Variants in ACACA observed in about 807,000 individuals in gnomAD.
The protein encoded by ACACA is acetyl-CoA carboxylase 1.
ACACA carries 103 observed loss-of-function variants against 296.1 expected under a neutral mutation model. That is an observed-to-expected ratio of 0.35 (90% CI 0.30 to 0.41). ACACA has a LOEUF of 0.41. Among genes scored for constraint, ACACA ranks in the 10% least tolerant of loss-of-function variants. ACACA has a pLI of 1.00. For synonymous variants in ACACA, 953 were observed against 1,038.6 expected (o/e 0.92, Z 1.58); for missense variants, 1,554 against 2,989.7 (o/e 0.52, Z 11.20).
At chr17:37,305,532 T>C (rs141722861) in intron 3 of ACACA, among the ~76,000 whole-genome samples, 11 of 152,324 alleles carry the variant, frequency 7.2e-5, no homozygotes, top group African/African-American at 2.6e-4. Flanking sequence ...GCATTCAAAG[T>C]TCAGGTTTTT....
intron 17 of ACACA, among the ~76,000 whole-genome samples, 159 bp from the exon 18 acceptor site, chr17:37,248,315 C>A (rs915162350): frequency 6.6e-6 from 1 of 152,192 alleles, no homozygotes; most frequent in African/African-American, 2.4e-5. Context: ...ATGGCTCAGT[C>A]CTGCTGTAAG....
At chr17:37,130,332 T>A in intron 45 of ACACA, 114 bp from the exon 46 acceptor site, 2 of 1,338,794 alleles carry the variant, frequency 1.5e-6, no homozygotes, top group Non-Finnish European at 2.1e-6. Flanking sequence ...GATTTCAGTC[T>A]CCATGGGTTG....
intron 44 of ACACA, among the ~76,000 whole-genome samples, chr17:37,150,824 C>T (rs1482025668): frequency 2.0e-5 from 3 of 151,552 alleles, no homozygotes; most frequent in Non-Finnish European, 2.9e-5. Context: ...GAGGCTGAGG[C>T]GGGTGGATCA....
chr17:37,314,584 G>A (rs1267882048), intron 3 of ACACA, among the ~76,000 whole-genome samples: 1 of 150,352 alleles, frequency 6.7e-6, no homozygotes, highest in African/African-American at 2.5e-5. Context: ...TGGGCTCCAC[G>A]ACCAGAGGCT....
At chr17:37,240,628 A>T (rs2080349026) in intron 23 of ACACA, 64 bp from the exon 24 acceptor site, 4 of 1,398,748 alleles carry the variant, frequency 2.9e-6, no homozygotes, top group Non-Finnish European at 4.0e-6. Flanking sequence ...CAATAAACCC[A>T]AAGGCCAAAT....
At chr17:37,215,475 T>A (rs1415892573) in intron 29 of ACACA, among the ~76,000 whole-genome samples, 1 of 152,234 alleles carries the variant, frequency 6.6e-6, no homozygotes, top group Admixed American at 6.5e-5. Flanking sequence ...CAGACTGTCA[T>A]ATTATATTAT....
intron 43 of ACACA, among the ~76,000 whole-genome samples, chr17:37,153,654 G>A (rs1254110688): frequency 1.3e-5 from 2 of 152,114 alleles, no homozygotes; most frequent in Admixed American, 1.3e-4. Context: ...TTCGATTTAT[G>A]TATATAATTT....
intron 24 of ACACA, among the ~76,000 whole-genome samples, chr17:37,237,314 T>C (rs2080158733): frequency 6.6e-6 from 1 of 152,240 alleles, no homozygotes; most frequent in African/African-American, 2.4e-5. Flanking sequence ...TGAACAGTGC[T>C]GTCACAAATA....
At chr17:37,106,241 C>G (rs2073679418) in intron 52 of ACACA, among the ~76,000 whole-genome samples, 1 of 152,086 alleles carries the variant, frequency 6.6e-6, no homozygotes, top group Non-Finnish European at 1.5e-5. Context: ...CTGCGTAAAT[C>G]AGATCCTGTT....
intron 45 of ACACA, among the ~76,000 whole-genome samples, chr17:37,133,996 T>G (rs776210685): frequency 8.5e-5 from 13 of 152,166 alleles, no homozygotes; most frequent in South Asian, 8.3e-4. Flanking sequence ...AACTTAAGCC[T>G]CATCCAGTAC....
In ACACA at chr17:37,193,430, G is replaced by A; in HGVS notation, c.4159-15C>T. 1 of 1,588,898 alleles carries A rather than the reference G, an allele frequency of 6.3e-7. No individual in the cohort carries two copies. The highest frequency in any genetic ancestry group is 8.6e-7 in the Non-Finnish European group (1 of 1,157,494). On this transcript the variant is annotated splice_polypyrimidine_tract_variant and intron_variant, in intron 35 of 55. Transcript: ENST00000616317. ...GGGAATTCTCTCTGTATTAAAGAAG[G>A]GGGAAAAATGTGTCAGTAGTTCATA...
At chr17:37,373,769 T>C (rs1014481903) in intron 1 of ACACA, among the ~76,000 whole-genome samples, 5 of 152,264 alleles carry the variant, frequency 3.3e-5, no homozygotes, top group East Asian at 1.9e-4. Flanking sequence ...TAGGAACTAA[T>C]GTACAGAGAG....
At chr17:37,293,605 T>C (rs1229795143) in intron 3 of ACACA, among the ~76,000 whole-genome samples, 1 of 149,128 alleles carries the variant, frequency 6.7e-6, no homozygotes, top group Non-Finnish European at 1.5e-5. Flanking sequence ...TGTAGTGGTG[T>C]AATCTCAACT....
chr17:37,202,706 TATATATACAC>T (rs1401018097), intron 33 of ACACA, among the ~76,000 whole-genome samples: 2,694 of 21,988 alleles, frequency 0.12, 60 homozygotes, highest in South Asian at 0.33. Flanking sequence ...TATATATATA[TATATATACAC>T]ACACACATAT....
intron 36 of ACACA, among the ~76,000 whole-genome samples, 168 bp downstream of exon 36, chr17:37,193,206 C>G (rs142268985): frequency 6.9e-4 from 105 of 152,180 alleles, no homozygotes; most frequent in Admixed American, 6.5e-3. Flanking sequence ...CAAACCCTTT[C>G]AGAAAGGAAT....
At chr17:37,367,311 T>TA (rs967765807) in intron 1 of ACACA, among the ~76,000 whole-genome samples, 1 of 151,732 alleles carries the variant, frequency 6.6e-6, no homozygotes, top group Non-Finnish European at 1.5e-5. Context: ...AAGATGGTCA[T>TA]AATCAGTTGA....
At chr17:37,379,802 T>C (rs1467784549) in intron 1 of ACACA, among the ~76,000 whole-genome samples, 1 of 147,630 alleles carries the variant, frequency 6.8e-6, no homozygotes, top group Non-Finnish European at 1.5e-5. Context: ...TGTGGAGAAA[T>C]AGGAACACTT....
intron 3 of ACACA, chr17:37,328,853 CCA>C (rs2047733977): frequency 2.5e-6 from 1 of 398,446 alleles, no homozygotes. Flanking sequence ...AAAAAAAGCC[CCA>C]GTTCCACACC....
intron 1 of ACACA, among the ~76,000 whole-genome samples, chr17:37,345,868 T>C (rs148863464): frequency 6.6e-6 from 1 of 152,220 alleles, no homozygotes; most frequent in Admixed American, 6.5e-5. Context: ...CTAAATACAA[T>C]GTGGTATCCT....
Sources: gnomAD v4.1 joint callset for allele counts (sites outside exome capture counted in the v4.1 genomes callset) on GRCh38, gnomAD v4.1.1 for gene constraint, MANE v1.5 for transcripts, NCBI Gene and HGNC (gene_info 2026-07-23, HGNC 2026-07-21) for gene names.